Variants in PBLD observed in about 807,000 individuals in gnomAD.
PBLD encodes phenazine biosynthesis like protein domain containing.
In PBLD, 26 loss-of-function variants were observed where a neutral mutation model predicts 31.3. The ratio of observed to expected loss-of-function variants is 0.83; its 90% CI spans 0.61 to 1.15. The LOEUF (loss-of-function observed/expected upper bound fraction) is 1.15. Among genes scored for constraint, PBLD ranks in the 50% most tolerant of loss-of-function variants. PBLD has a pLI of 0.00. For missense variants in PBLD, 307 were observed against 351.7 expected, an observed-to-expected ratio of 0.87 and a Z score of 1.02; for synonymous variants, 114 against 129.0, an observed-to-expected ratio of 0.88 and a Z score of 0.79.
intron 1 of PBLD, among the ~76,000 whole-genome samples, chr10:68,317,420 C>T (rs2044750001): frequency 6.6e-6 from 1 of 152,110 alleles, no homozygotes; most frequent in Non-Finnish European, 1.5e-5. Flanking sequence ...TGAATGGGTA[C>T]TCAAAATCAC....
At chr10:68,323,053 T>C (rs1194707244) in intron 1 of PBLD, among the ~76,000 whole-genome samples, 1 of 151,952 alleles carries the variant, frequency 6.6e-6, no homozygotes, top group African/African-American at 2.4e-5. Flanking sequence ...TATAAGATGT[T>C]AACAGAGGAA....
At chr10:68,331,222 A>C (rs2045069120) in intron 1 of PBLD, 1 of 152,230 alleles carries the variant, frequency 6.6e-6, no homozygotes, top group Non-Finnish European at 1.5e-5. Context: ...ATGACAGCAA[A>C]ACCAAAATGT....
chr10:68,319,399 C>G (rs1177141626), intron 1 of PBLD, among the ~76,000 whole-genome samples: 3 of 152,096 alleles, frequency 2.0e-5, no homozygotes, highest in Non-Finnish European at 2.9e-5. Context: ...AGTAATCTAA[C>G]TTGCTGGGCA....
chr10:68,318,953 A>C (rs2044775908), intron 1 of PBLD, among the ~76,000 whole-genome samples: 1 of 151,452 alleles, frequency 6.6e-6, no homozygotes, highest in African/African-American at 2.4e-5. Context: ...AGAAAGAGGA[A>C]AGAAGAAAGG....
chr10:68,296,910 G>A lies in PBLD; in HGVS notation c.160C>T (p.His54Tyr). 1 of 1,613,546 alleles carries A rather than the reference G, an allele frequency of 6.2e-7. No homozygotes were observed. Among genetic ancestry groups the A allele is most frequent in the Non-Finnish European group, 8.5e-7 (1 of 1,179,584 alleles). ...LSETAFIRKL[H>Y]PTDNFAQSSC... is the part of the protein sequence containing the mutation. ...CTTTGTGCAAAGTTGTCTGTCGGGT[G>A]CAGTTTTCGGATAAAAGCAGTTTCA... The change falls in exon 3 of 10, where the codon CAC becomes TAC. Residue 54 changes from histidine to tyrosine, a missense_variant. His to Tyr is a moderately conservative substitution (Grantham distance 83). Coordinates refer to ENST00000358769, the MANE Select transcript of PBLD (RefSeq NM_022129.4).
At chr10:68,297,406 ACT>A (rs1398700832) in intron 2 of PBLD, among the ~76,000 whole-genome samples, 1 of 151,898 alleles carries the variant, frequency 6.6e-6, no homozygotes, top group Admixed American at 6.6e-5. Flanking sequence ...TGCATGGTTC[ACT>A]CTCTTTCATG....
In PBLD at chr10:68,325,753, C is replaced by A. The variant is rs118165632; in HGVS notation, c.-60+7031G>T. On this transcript the variant is annotated intron_variant, in intron 1 of 9. Coordinates refer to ENST00000358769, the MANE Select transcript of PBLD (RefSeq NM_022129.4). ...TACATCCATGCCTTGGATCTTACTGCGTCCTCAACTGTAAATGCTTTTCCT... is the reference window on the plus strand; with the variant it reads ...TACATCCATGCCTTGGATCTTACTGAGTCCTCAACTGTAAATGCTTTTCCT... Among the ~76,000 whole-genome samples, 1,019 of 152,272 alleles carry A rather than the reference C, an allele frequency of 6.7e-3. 7 individuals carry two copies. Among genetic ancestry groups the A allele is most frequent in the Middle Eastern group, 0.048 (14 of 294 alleles).
chr10:68,316,928 G>A (rs1443696438), intron 1 of PBLD, among the ~76,000 whole-genome samples: 3 of 152,132 alleles, frequency 2.0e-5, no homozygotes, highest in Non-Finnish European at 2.9e-5. Flanking sequence ...CACAGGAATC[G>A]CTTGAGACCC....
intron 1 of PBLD, among the ~76,000 whole-genome samples, chr10:68,330,709 C>CGTGTGTGTGTGTGTGTGTGTGTGT (rs56166847): frequency 7.0e-5 from 10 of 142,822 alleles, no homozygotes; most frequent in Admixed American, 2.8e-4. Context: ...CCACGCCCGG[C>CGTGTGTGTGTGTGTGTGTGTGTGT]GTGTGTGTGT....
intron 2 of PBLD, among the ~76,000 whole-genome samples, chr10:68,302,980 G>T (rs1273452925): frequency 2.0e-5 from 3 of 151,358 alleles, no homozygotes; most frequent in African/African-American, 7.3e-5. Context: ...TTTTTACATT[G>T]CTTCTATACA....
intron 1 of PBLD, among the ~76,000 whole-genome samples, chr10:68,330,170 G>T (rs1166225563): frequency 6.6e-6 from 1 of 151,972 alleles, no homozygotes; most frequent in Non-Finnish European, 1.5e-5. Flanking sequence ...TTTAGGGAGT[G>T]GGCCATTGGG....
At chr10:68,295,309 A>G (rs1279867582) in intron 4 of PBLD, among the ~76,000 whole-genome samples, 1 of 151,950 alleles carries the variant, frequency 6.6e-6, no homozygotes, top group South Asian at 2.1e-4. Flanking sequence ...CCTGGGCAAC[A>G]TAGCAAAACC....
At chr10:68,312,234 T>C (rs1463109230) in intron 1 of PBLD, among the ~76,000 whole-genome samples, 1 of 152,106 alleles carries the variant, frequency 6.6e-6, no homozygotes, top group Non-Finnish European at 1.5e-5. Flanking sequence ...GTTAGTTCTA[T>C]TTTCAATTTT....
intron 1 of PBLD, among the ~76,000 whole-genome samples, chr10:68,328,100 G>A (rs951428711): frequency 2.0e-5 from 3 of 152,106 alleles, no homozygotes; most frequent in Non-Finnish European, 2.9e-5. Context: ...CCATAATAAA[G>A]GAGATTAGTG....
intron 1 of PBLD, among the ~76,000 whole-genome samples, chr10:68,325,706 T>C (rs1166736535): frequency 1.3e-5 from 2 of 152,354 alleles, no homozygotes; most frequent in South Asian, 2.1e-4. Context: ...TGCTTAGAGT[T>C]TCCACTTCTG....
At chr10:68,322,108 T>G (rs771228473) in intron 1 of PBLD, among the ~76,000 whole-genome samples, 25 of 151,896 alleles carry the variant, frequency 1.6e-4, no homozygotes, top group Non-Finnish European at 2.6e-4. Context: ...AGGTAAAGAG[T>G]CATGTTATTA....
At chr10:68,304,236 C>A (rs775280431) in intron 2 of PBLD, among the ~76,000 whole-genome samples, 3 of 152,126 alleles carry the variant, frequency 2.0e-5, no homozygotes, top group African/African-American at 7.2e-5. Flanking sequence ...GTGCTATCTT[C>A]GCCTCTAGGA....
chr10:68,304,914 A>G (rs2044555827), intron 2 of PBLD, among the ~76,000 whole-genome samples: 1 of 152,216 alleles, frequency 6.6e-6, no homozygotes, highest in African/African-American at 2.4e-5. Flanking sequence ...CTCTTGTAAT[A>G]ATGGACAAAG....
chr10:68,312,569 A>G (rs1022359253), intron 1 of PBLD, among the ~76,000 whole-genome samples: 1 of 104,114 alleles, frequency 9.6e-6, no homozygotes, highest in Non-Finnish European at 2.1e-5. Flanking sequence ...GCTTTTTGTT[A>G]TTGATTTTCT....
Sources: gnomAD v4.1 joint callset for allele counts (sites outside exome capture counted in the v4.1 genomes callset) on GRCh38, gnomAD v4.1.1 for gene constraint, MANE v1.5 for transcripts, NCBI Gene and HGNC (gene_info 2026-07-23, HGNC 2026-07-21) for gene names.